Variants in NWD1 observed in about 807,000 individuals in gnomAD.
NWD1 encodes NACHT and WD repeat domain containing 1.
Under a neutral mutation model 135.1 loss-of-function variants are expected in NWD1, and 129 were observed. The ratio of observed to expected loss-of-function variants is 0.96; its 90% confidence interval spans 0.83 to 1.11. The LOEUF (loss-of-function observed/expected upper bound fraction) is 1.11. Among genes scored for constraint, NWD1 ranks in the 50% least tolerant of loss-of-function variants. NWD1 has a pLI of 0.00. For synonymous variants in NWD1, 773 were observed against 786.0 expected, an observed-to-expected ratio of 0.98 and a Z score of 0.28; for missense variants, 1,740 against 1,851.3, an observed-to-expected ratio of 0.94 and a Z score of 1.10.
rs780170961 is a variant in NWD1 at position 16,788,997 on chromosome 19, T to A, written c.2747T>A (p.Val916Glu). 6.8e-6 allele frequency: 11 copies of A among 1,611,824 alleles called. No individual in the cohort carries two copies. The highest frequency in any genetic ancestry group is 8.5e-6 in the Non-Finnish European group (10 of 1,179,582). The change falls in exon 13 of 19, where the codon GTG (valine) becomes GAG (glutamate). Residue 916 changes from valine to glutamate, a missense_variant. Transcript: ENST00000524140. ...CCTGCTGCAGGAGAGGTGAGGTGTG[T>A]GAAAATATTTGCCAAAGGGACCCTC... is the stretch of plus-strand genomic sequence containing the variant. ...LTGHTGEVRC[V>E]KIFAKGTLAN...
intron 17 of NWD1, among the ~76,000 whole-genome samples, chr19:16,806,149 A>G (rs1449185041): frequency 6.6e-6 from 1 of 152,178 alleles, no homozygotes; most frequent in African/African-American, 2.4e-5. Flanking sequence ...CTTGGATTAC[A>G]GACGTGAGTC....
At chr19:16,725,006 TTA>T (rs556769083) in intron 2 of NWD1, among the ~76,000 whole-genome samples, 2 of 119,106 alleles carry the variant, frequency 1.7e-5, no homozygotes, top group Non-Finnish European at 3.7e-5. Context: ...AAATTTTTAT[TTA>T]TTTTTTATTT....
In NWD1 at chr19:16,762,256, G is replaced by A. The variant is rs1390056499; in HGVS notation, c.2133+118G>A. The A allele has an allele frequency of 8.5e-6, 7 of 826,888 alleles. No homozygotes were observed. In the South Asian group the frequency reaches 1.0e-4, roughly 12 times the overall value. The allele number at this position is 826,888 out of a possible 1,614,324, so 51.2% of individuals were successfully genotyped here. On this transcript the variant is annotated intron_variant, in intron 8 of 18. Coordinates refer to ENST00000524140, the MANE Select transcript of NWD1 (RefSeq NM_001007525.5). ...TCCTCCCGACCTACTTCTCCTTTCC[G>A]CACAGAGGGCAAGATGTCCCTTCTA...
chr19:16,764,951 A>G, intron 9 of NWD1, 83 bp from the exon 10 acceptor site: 6 of 1,446,294 alleles, frequency 4.1e-6, no homozygotes, highest in Non-Finnish European at 5.7e-6. Context: ...CCCTGGAGGA[A>G]ATGGAGAGAT....
intron 9 of NWD1, among the ~76,000 whole-genome samples, chr19:16,764,466 A>ACCAT (rs372770895): frequency 0.021 from 3,047 of 148,080 alleles, 89 homozygotes; most frequent in African/African-American, 0.067. Flanking sequence ...GCTGGTTATA[A>ACCAT]CCATCCATCC....
At position 16,816,306 on chromosome 19, in the gene NWD1, A is replaced by C. The variant is rs532455097; in HGVS notation, c.*1267A>C. On this transcript the variant is annotated 3_prime_UTR_variant, in exon 19 of 19. Coordinates refer to ENST00000524140, the MANE Select transcript of NWD1 (RefSeq NM_001007525.5). Reference sequence around the variant, plus strand: ...CAGAAATCCAGACTTTTATGCAAAAATGTTCTGACTTTTAAAGTTGGCGAT... The same window carrying C: ...CAGAAATCCAGACTTTTATGCAAAACTGTTCTGACTTTTAAAGTTGGCGAT... The C allele has an allele frequency of 6.6e-6, 1 of 152,174 alleles. No individual in the cohort carries two copies. The highest frequency in any genetic ancestry group is 2.4e-5 in the African/African-American group (1 of 41,430). 9.4% of individuals were successfully genotyped at this position (152,174 alleles called of 1,614,324 possible).
rs1002327890 is a variant in NWD1, at chr19:16,817,468, G to A, written c.*2429G>A. On this transcript the variant is annotated 3_prime_UTR_variant, in exon 19 of 19. Coordinates refer to ENST00000524140, the MANE Select transcript of NWD1 (RefSeq NM_001007525.5). ...AATACAAAAATTAGCCTGGTGTGGT[G>A]ACGTACACCTGTAATTCCAGCTACT... 6.6e-5 allele frequency: 10 copies of A among 150,726 alleles called. No homozygotes were observed. Among genetic ancestry groups the A allele is most frequent in the African/African-American group, 1.7e-4 (7 of 40,932 alleles). 9.3% of individuals were successfully genotyped at this position (150,726 alleles called of 1,614,324 possible).
At chr19:16,807,089 G>A (rs1044919831) in intron 17 of NWD1, among the ~76,000 whole-genome samples, 31 of 151,738 alleles carry the variant, frequency 2.0e-4, no homozygotes, top group African/African-American at 7.5e-4. Flanking sequence ...TCAGGAGGCT[G>A]AGGCAGGAGA....
intron 17 of NWD1, among the ~76,000 whole-genome samples, chr19:16,804,626 AT>A (rs1326937531): frequency 2.0e-4 from 30 of 151,548 alleles, no homozygotes; most frequent in Admixed American, 6.6e-5. Context: ...AAGAATAGAA[AT>A]TTGTTTATCA....
intron 6 of NWD1, among the ~76,000 whole-genome samples, chr19:16,755,881 G>A (rs1968774901): frequency 6.6e-6 from 1 of 151,968 alleles, no homozygotes; most frequent in African/African-American, 2.4e-5. Flanking sequence ...GAACAAACTG[G>A]GAGTTAGGGG....
intron 6 of NWD1, among the ~76,000 whole-genome samples, chr19:16,752,701 A>T (rs143206524): frequency 1.4e-3 from 207 of 151,898 alleles, no homozygotes; most frequent in Non-Finnish European, 2.5e-3. Flanking sequence ...TACACTCTAT[A>T]AGAGTACAAA....
chr19:16,802,970 T>C (rs549665841), intron 17 of NWD1, among the ~76,000 whole-genome samples: 1 of 143,462 alleles, frequency 7.0e-6, no homozygotes, highest in Admixed American at 6.9e-5. Flanking sequence ...AAAAAAGACA[T>C]ACCTGAGACT....
Position 16,759,445 on chromosome 19 carries a change from G to C in NWD1, c.1973+17G>C. The stretch of plus-strand genomic sequence containing the variant: ...TGCCCACAGGTAGGTCCAGGCAGCA[G>C]TGGCAGCGACACTGTCTGGGTGGGA... On this transcript the variant is annotated intron_variant, in intron 7 of 18. Coordinates refer to ENST00000524140, the MANE Select transcript of NWD1 (RefSeq NM_001007525.5). The C allele has an allele frequency of 6.5e-7, 1 of 1,537,760 alleles. No homozygotes were observed. Among genetic ancestry groups the C allele is most frequent in the Non-Finnish European group, 8.7e-7 (1 of 1,143,914 alleles).
rs1365391822 is a variant in NWD1 at position 16,720,009 on chromosome 19, AAGGCTAAAGAG to A, written c.-383_-373del. 1.3e-5 allele frequency: 2 copies of A among 152,212 alleles called. No homozygotes were observed. Among genetic ancestry groups the A allele is most frequent in the Admixed American group, 1.3e-4 (2 of 15,258 alleles). The allele number at this position is 152,212 out of a possible 1,614,324, so 9.4% of individuals were successfully genotyped here. ...TAAATTGGTCGTTCAACTACCAGCA[AAGGCTAAAGAG>A]AGGCTGGAGCCCCCAGGACAGCCAG... On this transcript the variant is annotated 5_prime_UTR_variant, in exon 1 of 19. Coordinates refer to ENST00000524140, the MANE Select transcript of NWD1 (RefSeq NM_001007525.5).
intron 18 of NWD1, among the ~76,000 whole-genome samples, chr19:16,811,400 A>G (rs1004568730): frequency 6.6e-6 from 1 of 151,968 alleles, no homozygotes; most frequent in East Asian, 1.9e-4. Flanking sequence ...CCTGACCAAC[A>G]TGGTGAAACC....
In NWD1 at chr19:16,744,719, G is replaced by A; in HGVS notation, c.496+1G>A. The A allele has an allele frequency of 6.5e-7, 1 of 1,535,794 alleles. No homozygotes were observed. Among genetic ancestry groups the A allele is most frequent in the Non-Finnish European group, 8.7e-7 (1 of 1,146,678 alleles). On this transcript the variant is annotated splice_donor_variant, in intron 5 of 18. Transcript: ENST00000524140. LOFTEE classifies it high-confidence loss of function. ...CAGTGGCAGCACTACCACCGGTCAG[G>A]TGAGGCCGCAGGGACTCCCCTCTGG...
At chr19:16,734,428 C>G (rs920039184) in intron 3 of NWD1, among the ~76,000 whole-genome samples, 4 of 151,190 alleles carry the variant, frequency 2.6e-5, no homozygotes, top group Admixed American at 2.6e-4. Flanking sequence ...CCAGCTACTC[C>G]GGAGGCTGAG....
At chr19:16,800,214 T>G (rs1264287717) in intron 17 of NWD1, 52 bp downstream of exon 17, 1 of 1,506,290 alleles carries the variant, frequency 6.6e-7, no homozygotes, top group African/African-American at 1.4e-5. Flanking sequence ...TGGAGCCATC[T>G]GTCTTAGTTT....
At position 16,785,710 on chromosome 19, in the gene NWD1, T is replaced by C. The variant is rs566563600; in HGVS notation, c.2732-3272T>C. Among the ~76,000 whole-genome samples, 126 of 149,132 alleles carry C rather than the reference T, an allele frequency of 8.4e-4. 2 individuals are homozygous for C. The highest frequency in any genetic ancestry group is 7.1e-3 in the Middle Eastern group (2 of 282). On this transcript the variant is annotated intron_variant, in intron 12 of 18. Transcript: ENST00000524140. ...CTTTATGTATGTAAAACATAATATA[T>C]ATGTGTGAATAAAACATAAATATAT...
Sources: allele counts gnomAD v4.1 joint callset (sites outside exome capture counted in the v4.1 genomes callset), GRCh38; gene constraint gnomAD v4.1.1; transcripts MANE v1.5; gene names NCBI Gene and HGNC (gene_info 2026-07-23, HGNC 2026-07-21).